BSND: variants seen among roughly 807,000 people sequenced by gnomAD.
BSND encodes barttin.
A neutral mutation model predicts 18.8 loss-of-function variants in BSND; 13 were observed. The ratio of observed to expected loss-of-function variants is 0.69; its 90% CI spans 0.45 to 1.10. BSND has a LOEUF of 1.10. Among genes scored for constraint, BSND ranks in the 50% least tolerant of loss-of-function variants. The pLI is 0.00. For missense variants in BSND, 379 were observed against 416.7 expected, an observed-to-expected ratio of 0.91 and a Z score of 0.79; for synonymous variants, 170 against 161.8, an observed-to-expected ratio of 1.05 and a Z score of -0.39.
In BSND at chr1:55,010,975, C is replaced by T. The variant is rs942864163; in HGVS notation, c.*2347C>T. 1.3e-5 allele frequency: 2 copies of T among 152,254 alleles called. No individual in the cohort carries two copies. Among genetic ancestry groups the T allele is most frequent in the Non-Finnish European group, 2.9e-5 (2 of 68,056 alleles). 9.4% of individuals were successfully genotyped at this position (152,254 alleles called of 1,614,324 possible). ...GTGAGGCCTTACGCCTGACGGGCAC[C>T]AGAGGCCCTCTTCCGGAAGTAAGCC... On this transcript the variant is annotated 3_prime_UTR_variant, in exon 4 of 4. Coordinates refer to ENST00000651561, the MANE Select transcript of BSND (RefSeq NM_057176.3).
chr1:55,008,083 G>T, intron 3 of BSND, 131 bp from the exon 4 acceptor site: 1 of 748,090 alleles, frequency 1.3e-6, no homozygotes, highest in Non-Finnish European at 2.3e-6. Context: ...AGTGAATTCT[G>T]TTATTGGGAA....
At position 55,015,686 on chromosome 1, in the gene BSND, C is replaced by T. The variant is rs1175439158; in HGVS notation, c.*7058C>T. ...ACAAACACTATGCACCTGCTTTGTG[C>T]CACCCCCTGTGCTAGGTACTGGGGG... is the stretch of plus-strand genomic sequence containing the variant. On this transcript the variant is annotated 3_prime_UTR_variant, in exon 4 of 4. Coordinates refer to ENST00000651561, the MANE Select transcript of BSND (RefSeq NM_057176.3). Among the ~76,000 whole-genome samples, 2 of 152,174 alleles carry T rather than the reference C, an allele frequency of 1.3e-5. No individual in the cohort carries two copies. Among genetic ancestry groups the T allele is most frequent in the African/African-American group, 4.8e-5 (2 of 41,432 alleles).
In BSND at chr1:55,009,319, A is replaced by T. The variant is rs142120679; in HGVS notation, c.*691A>T. 448 of 153,438 alleles carry T rather than the reference A, an allele frequency of 2.9e-3. 15 individuals are homozygous for T. In the South Asian group the frequency reaches 0.062, roughly 21 times the overall value. 9.5% of individuals were successfully genotyped at this position (153,438 alleles called of 1,614,324 possible). A position where few individuals can be genotyped will look rare whatever the true frequency, so the allele number is the denominator to read the frequency against. Reference sequence around the variant, plus strand: ...GACCTCCCTTGGAAAGGTTTTCCTGATGTCGCTGCCTCCTGGAACCAGGTG... The same window carrying T: ...GACCTCCCTTGGAAAGGTTTTCCTGTTGTCGCTGCCTCCTGGAACCAGGTG... On this transcript the variant is annotated 3_prime_UTR_variant, in exon 4 of 4. Transcript: ENST00000651561.
At chr1:55,002,807 A>G (rs112482598) in intron 1 of BSND, among the ~76,000 whole-genome samples, 6,284 of 142,652 alleles carry the variant, frequency 0.044, 397 homozygotes, top group African/African-American at 0.15. Flanking sequence ...GATGATGATG[A>G]TGATGTTAGT....
chr1:55,003,779 C>T lies in BSND; in HGVS notation c.178-1243C>T, dbSNP rs147413409. Among the ~76,000 whole-genome samples the T allele has an allele frequency of 5.2e-3, 793 of 152,248 alleles. 5 individuals are homozygous for T. The highest frequency in any genetic ancestry group is 0.018 in the African/African-American group (763 of 41,532). ...GTGCTGGGGACCATGCTGAGGGATT[C>T]CCTATATATGATCTCATGAAATTTT... On this transcript the variant is annotated intron_variant, in intron 1 of 3. Coordinates refer to ENST00000651561, the MANE Select transcript of BSND (RefSeq NM_057176.3).
At chr1:55,008,019 G>A (rs996325835) in intron 3 of BSND, among the ~76,000 whole-genome samples, 195 bp from the exon 4 acceptor site, 2 of 152,232 alleles carry the variant, frequency 1.3e-5, no homozygotes. Context: ...GCCAGGCACT[G>A]TGCAAAGTGC....
chr1:55,008,680 G>A lies in BSND; in HGVS notation c.*52G>A. 1 of 1,612,764 alleles carries A rather than the reference G, an allele frequency of 6.2e-7. No individual in the cohort carries two copies. Among genetic ancestry groups the A allele is most frequent in the Non-Finnish European group, 8.5e-7 (1 of 1,179,312 alleles). Reference sequence around the variant, plus strand: ...CTGGAACTGCTGCTGACCCCTGTGTGACATCACAGGGCCTCAGTTTCCCTA... The same window carrying A: ...CTGGAACTGCTGCTGACCCCTGTGTAACATCACAGGGCCTCAGTTTCCCTA... On this transcript the variant is annotated 3_prime_UTR_variant, in exon 4 of 4. Transcript: ENST00000651561.
chr1:54,999,087 A>T lies in BSND; in HGVS notation c.-100A>T. The stretch of plus-strand genomic sequence containing the variant: ...TGAAGCCTTGAGTTGCAGCGATTTC[A>T]GTGTCTTCTCTCCCTGTGTAAGCCT... On this transcript the variant is annotated 5_prime_UTR_variant, in exon 1 of 4. Coordinates refer to ENST00000651561, the MANE Select transcript of BSND (RefSeq NM_057176.3). The T allele has an allele frequency of 7.0e-7, 1 of 1,435,460 alleles. No homozygotes were observed. Among genetic ancestry groups the T allele is most frequent in the Non-Finnish European group, 9.7e-7 (1 of 1,034,122 alleles). 88.9% of individuals were successfully genotyped at this position (1,435,460 alleles called of 1,614,324 possible).
In BSND at chr1:55,015,455, AG is replaced by A. The variant is rs1644445112; in HGVS notation, c.*6829del. On this transcript the variant is annotated 3_prime_UTR_variant, in exon 4 of 4. Coordinates refer to ENST00000651561, the MANE Select transcript of BSND (RefSeq NM_057176.3). ...GGGCAAATGAGGGCCCCAGTGACTC[AG>A]GAAGTCCCCAGGTCAGAAAATGGGC... Among the ~76,000 whole-genome samples, 1 of 152,200 alleles carries A rather than the reference AG, an allele frequency of 6.6e-6. No homozygotes were observed. The highest frequency in any genetic ancestry group is 2.1e-4 in the South Asian group (1 of 4,828).
At chr1:55,006,710 G>A (rs181311959) in intron 2 of BSND, among the ~76,000 whole-genome samples, 1 of 152,284 alleles carries the variant, frequency 6.6e-6, no homozygotes, top group East Asian at 1.9e-4. Context: ...CAATGTTAAC[G>A]GGTCTTCATT....
chr1:55,007,398 G>C, intron 3 of BSND, 126 bp downstream of exon 3: 1 of 1,254,158 alleles, frequency 8.0e-7, no homozygotes, highest in Non-Finnish European at 1.1e-6. Context: ...GAGGGTGTGG[G>C]ACACCCTGAG....
In BSND at chr1:55,005,422, G is replaced by A. The variant is rs1475289989; in HGVS notation, c.272+306G>A. Among the ~76,000 whole-genome samples the A allele has an allele frequency of 5.3e-5, 8 of 152,202 alleles. No homozygotes were observed. In the East Asian group the frequency reaches 1.5e-3, roughly 29 times the overall value. On this transcript the variant is annotated intron_variant, in intron 2 of 3. Transcript: ENST00000651561. ...ATAAATGTACTGTGAGAAATACAGTGCAATAGAGTCACAGGAGTAAGTGCT... is the reference window on the plus strand; with the variant it reads ...ATAAATGTACTGTGAGAAATACAGTACAATAGAGTCACAGGAGTAAGTGCT...
rs1161862990 is a variant in BSND, at chr1:54,998,988, C to T, written c.-199C>T. 49 of 625,376 alleles carry T rather than the reference C, an allele frequency of 7.8e-5. No homozygotes were observed. Among genetic ancestry groups the T allele is most frequent in the Middle Eastern group, 4.3e-4 (1 of 2,300 alleles). 38.7% of individuals were successfully genotyped at this position (625,376 alleles called of 1,614,324 possible). A position where few individuals can be genotyped will look rare whatever the true frequency, so the allele number is the denominator to read the frequency against. On this transcript the variant is annotated 5_prime_UTR_variant, in exon 1 of 4. Coordinates refer to ENST00000651561, the MANE Select transcript of BSND (RefSeq NM_057176.3). ...GTGGCTGGGTGTGGGTCCGTTGAAG[C>T]GAGCCGCCTCCAGCCCTGTTGAACT... is the stretch of plus-strand genomic sequence containing the variant.
rs2100212818 is a variant in BSND, at chr1:55,011,640, T to A, written c.*3012T>A. 6.6e-6 allele frequency: 1 copy of A among 152,350 alleles called. No homozygotes were observed. Among genetic ancestry groups the A allele is most frequent in the African/African-American group, 2.4e-5 (1 of 41,552 alleles). 9.4% of individuals were successfully genotyped at this position (152,350 alleles called of 1,614,324 possible). A position where few individuals can be genotyped will look rare whatever the true frequency, so the allele number is the denominator to read the frequency against. On this transcript the variant is annotated 3_prime_UTR_variant, in exon 4 of 4. Coordinates refer to ENST00000651561, the MANE Select transcript of BSND (RefSeq NM_057176.3). ...TATTAGAAAGGACTTGTTACTGGAT[T>A]TGGGCCAGTGCTCAGTGGCTTGGCG... is the stretch of plus-strand genomic sequence containing the variant.
In BSND at chr1:54,999,370, G is replaced by A. The variant is rs368723796; in HGVS notation, c.177+7G>A. 107 of 1,604,340 alleles carry A rather than the reference G, an allele frequency of 6.7e-5. No homozygotes were observed. The highest frequency in any genetic ancestry group is 8.4e-5 in the Non-Finnish European group (99 of 1,172,890). The stretch of plus-strand genomic sequence containing the variant: ...GTGCCAGTGCTACCCCAAGGTAGGT[G>A]GTAGTGGGGCTGGGTGGGGCCAGGT... On this transcript the variant is annotated splice_region_variant and intron_variant, in intron 1 of 3. Transcript: ENST00000651561.
rs139474267 is a variant in BSND, at chr1:55,016,296, C to T, written c.*7668C>T. On this transcript the variant is annotated 3_prime_UTR_variant, in exon 4 of 4. Coordinates refer to ENST00000651561, the MANE Select transcript of BSND (RefSeq NM_057176.3). ...CAGGAAAAGAAAGGGAATTCATCCA[C>T]TGGAAATATCTGTGATCCCACAAAA... Among the ~76,000 whole-genome samples, 1 of 152,284 alleles carries T rather than the reference C, an allele frequency of 6.6e-6. No homozygotes were observed. Among genetic ancestry groups the T allele is most frequent in the East Asian group, 1.9e-4 (1 of 5,176 alleles).
rs1644430466 is a variant in BSND at position 55,013,069 on chromosome 1, ACT to A, written c.*4443_*4444del. ...GATGCCACCTGGTCCACGTCATAAG[ACT>A]CAACAATGCACCTGTTGTGCTGTGC... On this transcript the variant is annotated 3_prime_UTR_variant, in exon 4 of 4. Transcript: ENST00000651561. Among the ~76,000 whole-genome samples the A allele has an allele frequency of 6.6e-6, 1 of 152,060 alleles. No individual in the cohort carries two copies. Among genetic ancestry groups the A allele is most frequent in the Non-Finnish European group, 1.5e-5 (1 of 68,016 alleles).
chr1:55,005,552 C>T (rs1215774916), intron 2 of BSND, among the ~76,000 whole-genome samples: 2 of 152,204 alleles, frequency 1.3e-5, no homozygotes, highest in East Asian at 1.9e-4. Context: ...CCTCTCTTTG[C>T]CTCGTCTGTA....
At chr1:55,008,107 G>T in intron 3 of BSND, 107 bp from the exon 4 acceptor site, 2 of 900,158 alleles carry the variant, frequency 2.2e-6, no homozygotes, top group East Asian at 2.6e-5. Flanking sequence ...ACTGAGGCCC[G>T]GGAAGGTGGA....
Sources: allele counts gnomAD v4.1 joint callset (sites outside exome capture counted in the v4.1 genomes callset), GRCh38; gene constraint gnomAD v4.1.1; transcripts MANE v1.5; gene names NCBI Gene and HGNC (gene_info 2026-07-23, HGNC 2026-07-21).